FBXL20: variants seen among roughly 807,000 people sequenced by gnomAD.
The protein encoded by FBXL20 is F-box/LRR-repeat protein 20.
FBXL20 carries 11 observed loss-of-function variants against 64.0 expected under a neutral mutation model. The observed-to-expected ratio is 0.17, with a 90% CI of 0.11 to 0.28. FBXL20 has a LOEUF of 0.28. Ranked by LOEUF, FBXL20 falls within the 10% of genes least tolerant of loss-of-function variation. The pLI is 1.00. For synonymous variants in FBXL20, 184 were observed against 189.0 expected (o/e 0.97, Z 0.22); for missense variants, 303 against 526.2 (o/e 0.58, Z 4.15).
At chr17:39,268,747 AG>A in intron 12 of FBXL20, 79 bp downstream of exon 12, 2 of 1,207,526 alleles carry the variant, frequency 1.7e-6, no homozygotes, top group Non-Finnish European at 2.4e-6. Flanking sequence ...ACACTAGGGT[AG>A]GGAATTGCAC....
intron 10 of FBXL20, among the ~76,000 whole-genome samples, chr17:39,272,701 C>CAAAAAAAAAAAAAAA (rs56138431): frequency 1.0e-5 from 1 of 98,880 alleles, no homozygotes; most frequent in African/African-American, 3.7e-5. Context: ...AACTCTATCT[C>CAAAAAAAAAAAAAAA]AAAAAAAAAA....
At chr17:39,314,987 G>A (rs1597792491) in intron 2 of FBXL20, among the ~76,000 whole-genome samples, 1 of 151,838 alleles carries the variant, frequency 6.6e-6, no homozygotes, top group African/African-American at 2.4e-5. Context: ...AGTAGAGACG[G>A]GGTTTCACCA....
At chr17:39,395,134 C>G (rs954913335) in intron 1 of FBXL20, among the ~76,000 whole-genome samples, 1 of 152,208 alleles carries the variant, frequency 6.6e-6, no homozygotes, top group Non-Finnish European at 1.5e-5. Flanking sequence ...AAAAGTGTGA[C>G]CACTTCTAGG....
At chr17:39,338,819 C>T (rs58850789) in intron 2 of FBXL20, among the ~76,000 whole-genome samples, 4,864 of 152,184 alleles carry the variant, frequency 0.032, 120 homozygotes, top group African/African-American at 0.069. Flanking sequence ...CAAGAGTAAA[C>T]ATCAGACAAA....
intron 1 of FBXL20, among the ~76,000 whole-genome samples, chr17:39,371,167 G>A (rs145786491): frequency 6.8e-4 from 104 of 152,266 alleles, no homozygotes; most frequent in African/African-American, 2.4e-3. Context: ...GTGGTAAGCC[G>A]TGATCCAGCC....
intron 6 of FBXL20, among the ~76,000 whole-genome samples, chr17:39,288,723 T>C (rs565088589): frequency 3.9e-4 from 59 of 152,176 alleles, no homozygotes; most frequent in African/African-American, 1.2e-3. Context: ...ATTTTTTTTT[T>C]CCTAAGACAC....
intron 1 of FBXL20, among the ~76,000 whole-genome samples, chr17:39,362,928 T>C (rs1370291883): frequency 6.6e-6 from 1 of 151,874 alleles, no homozygotes. Context: ...TAGTAAACTT[T>C]TCTTAATGAA....
Position 39,303,686 on chromosome 17 carries a change from G to A in FBXL20, c.105-47C>T, listed in dbSNP as rs373868487. Reference sequence around the variant, plus strand: ...ACAAATTTTATTGTATGATAAAGTAGTTGACCTTTATTTATTTTGAGACAG... The same window carrying A: ...ACAAATTTTATTGTATGATAAAGTAATTGACCTTTATTTATTTTGAGACAG... On this transcript the variant is annotated intron_variant, in intron 2 of 14. Coordinates refer to ENST00000264658, the MANE Select transcript of FBXL20 (RefSeq NM_032875.3). 2.6e-5 allele frequency: 39 copies of A among 1,515,630 alleles called. No individual in the cohort carries two copies. The African/African-American group carries it at 5.2e-4, about 20-fold the overall frequency. 93.9% of individuals were successfully genotyped at this position (1,515,630 alleles called of 1,614,324 possible).
intron 2 of FBXL20, among the ~76,000 whole-genome samples, chr17:39,308,867 C>A (rs1322924738): frequency 6.6e-6 from 1 of 151,886 alleles, no homozygotes; most frequent in East Asian, 1.9e-4. Context: ...ACCTGGCCTA[C>A]AATAAAAAAT....
At chr17:39,288,564 C>T (rs1348631673) in intron 6 of FBXL20, among the ~76,000 whole-genome samples, 1 of 152,164 alleles carries the variant, frequency 6.6e-6, no homozygotes, top group Non-Finnish European at 1.5e-5. Flanking sequence ...GATCCTCCTG[C>T]CTCAGCCTCC....
chr17:39,254,282 T>C lies in FBXL20; in HGVS notation c.*7178A>G, dbSNP rs2144313010. 1 of 152,316 alleles carries C rather than the reference T, an allele frequency of 6.6e-6. No individual in the cohort carries two copies. The highest frequency in any genetic ancestry group is 1.9e-4 in the East Asian group (1 of 5,194). The allele number at this position is 152,316 out of a possible 1,614,324, so 9.4% of individuals were successfully genotyped here. On this transcript the variant is annotated 3_prime_UTR_variant, in exon 15 of 15. Coordinates refer to ENST00000264658, the MANE Select transcript of FBXL20 (RefSeq NM_032875.3). ...GGCTGTTCTCAAACTCCTGACACTT[T>C]GTGATCCGCCCGCCTCGGCCTCCCA...
At chr17:39,392,984 A>C (rs1177715971) in intron 1 of FBXL20, among the ~76,000 whole-genome samples, 3 of 143,156 alleles carry the variant, frequency 2.1e-5, no homozygotes, top group Non-Finnish European at 4.5e-5. Flanking sequence ...CAAGAGTGAA[A>C]CTCCATCTCA....
intron 2 of FBXL20, among the ~76,000 whole-genome samples, chr17:39,313,588 G>A (rs1305351418): frequency 6.6e-6 from 1 of 151,938 alleles, no homozygotes; most frequent in Non-Finnish European, 1.5e-5. Context: ...GGCTGCCAGG[G>A]TTTTAGCTAC....
At chr17:39,374,447 A>T (rs1222702656) in intron 1 of FBXL20, among the ~76,000 whole-genome samples, 1 of 151,902 alleles carries the variant, frequency 6.6e-6, no homozygotes, top group Non-Finnish European at 1.5e-5. Context: ...AGGCTGAGGC[A>T]TGAGAACTGC....
chr17:39,348,886 G>A (rs371082560), intron 1 of FBXL20, among the ~76,000 whole-genome samples: 1 of 151,408 alleles, frequency 6.6e-6, no homozygotes, highest in South Asian at 2.1e-4. Context: ...GTAGAGATGG[G>A]GTCTCACTAT....
chr17:39,321,937 GATAA>G (rs1267660290), intron 2 of FBXL20, among the ~76,000 whole-genome samples: 3 of 152,072 alleles, frequency 2.0e-5, no homozygotes, highest in African/African-American at 7.2e-5. Flanking sequence ...GTAATTCTAA[GATAA>G]ATACTCAAAT....
intron 6 of FBXL20, among the ~76,000 whole-genome samples, chr17:39,287,686 T>A (rs2047000993): frequency 6.6e-6 from 1 of 152,196 alleles, no homozygotes; most frequent in Admixed American, 6.6e-5. Context: ...ATTACAAGCA[T>A]GATCCACCAC....
chr17:39,281,531 T>C, intron 8 of FBXL20, 68 bp from the exon 9 acceptor site: 4 of 1,354,718 alleles, frequency 3.0e-6, no homozygotes, highest in Non-Finnish European at 4.1e-6. Flanking sequence ...GATTTAAGAA[T>C]GTACACATTC....
intron 14 of FBXL20, among the ~76,000 whole-genome samples, chr17:39,262,773 C>A (rs937206455): frequency 1.3e-5 from 2 of 150,558 alleles, no homozygotes. Flanking sequence ...CTGAAGCGGG[C>A]GGATCACGAG....
Sources: allele counts gnomAD v4.1 joint callset (sites outside exome capture counted in the v4.1 genomes callset), GRCh38; gene constraint gnomAD v4.1.1; transcripts MANE v1.5; gene names NCBI Gene and HGNC (gene_info 2026-07-23, HGNC 2026-07-21).